AFF3: variants seen among roughly 807,000 people sequenced by gnomAD.
AFF3 encodes AF4/FMR2 family member 3.
A neutral mutation model predicts 129.7 loss-of-function variants in AFF3; 32 were observed. The ratio of observed to expected loss-of-function variants is 0.25; its 90% confidence interval spans 0.19 to 0.33. The LOEUF (loss-of-function observed/expected upper bound fraction) is 0.33. Ranked by LOEUF, AFF3 falls within the 10% of genes least tolerant of loss-of-function variation. The pLI is 1.00. For synonymous variants in AFF3, 644 were observed against 635.4 expected, an observed-to-expected ratio of 1.01 and a Z score of -0.20; for missense variants, 1,373 against 1,592.0, an observed-to-expected ratio of 0.86 and a Z score of 2.34.
chr2:99,995,882 T>C (rs567659850), intron 7 of AFF3, among the ~76,000 whole-genome samples: 23 of 152,180 alleles, frequency 1.5e-4, no homozygotes, highest in South Asian at 4.1e-4. Context: ...AGAAAAAATA[T>C]ATATAAACAC....
chr2:99,949,069 A>G (rs1333933095), intron 7 of AFF3, among the ~76,000 whole-genome samples: 1 of 152,298 alleles, frequency 6.6e-6, no homozygotes, highest in African/African-American at 2.4e-5. Flanking sequence ...GGGTCAGAAC[A>G]CCTCGAGATT....
rs1452770582 is a variant in AFF3, at chr2:100,120,045, C to G, written c.-145+9179G>C. ...CTCATCACAATAGGGGGAGAAAAGA[C>G]TGGCAGCAAAGGGATATCATCTAGT... On this transcript the variant is annotated intron_variant, in intron 2 of 24. Transcript: ENST00000672756. Among the ~76,000 whole-genome samples, 4 of 152,186 alleles carry G rather than the reference C, an allele frequency of 2.6e-5. No individual in the cohort carries two copies. In the East Asian group the frequency reaches 7.7e-4, roughly 29 times the overall value.
rs918219959 is a variant in AFF3, at chr2:99,907,024, T to A, written c.874-69500A>T. Among the ~76,000 whole-genome samples, 6 of 152,216 alleles carry A rather than the reference T, an allele frequency of 3.9e-5. No homozygotes were observed. The East Asian group carries it at 1.2e-3, about 29-fold the overall frequency. ...CTCTCACCTGTTAATGTACTACAAG[T>A]CTATATGTGTACTACATGCCAGGCA... On this transcript the variant is annotated intron_variant, in intron 7 of 24. Transcript: ENST00000672756.
At position 100,063,778 on chromosome 2, in the gene AFF3, T is replaced by C. The variant is rs776142835; in HGVS notation, c.53+40624A>G. ...GTTAAAAGACATAAATCCACAGATA[T>C]ACTAATCAGGGTAAATGAAAAGAAA... On this transcript the variant is annotated intron_variant, in intron 4 of 24. Coordinates refer to ENST00000672756, the MANE Select transcript of AFF3 (RefSeq NM_001386135.1). Among the ~76,000 whole-genome samples, 130 of 152,188 alleles carry C rather than the reference T, an allele frequency of 8.5e-4. 5 individuals are homozygous for C. Among genetic ancestry groups the C allele is most frequent in the Non-Finnish European group, 5.6e-4 (38 of 68,002 alleles).
chr2:99,631,031 C>T (rs1333120254), intron 13 of AFF3: 4 of 459,826 alleles, frequency 8.7e-6, no homozygotes, highest in Non-Finnish European at 1.8e-5. Flanking sequence ...GACAGGGAAA[C>T]ACTGTGAGCT....
At chr2:99,799,411 G>T (rs1431680373) in intron 8 of AFF3, among the ~76,000 whole-genome samples, 1 of 151,848 alleles carries the variant, frequency 6.6e-6, no homozygotes, top group Non-Finnish European at 1.5e-5. Flanking sequence ...AAAGGAGAAG[G>T]GGGAGGGTAG....
chr2:99,802,207 A>G (rs1685992289), intron 8 of AFF3, among the ~76,000 whole-genome samples: 1 of 152,194 alleles, frequency 6.6e-6, no homozygotes. Flanking sequence ...GTTATTTCAC[A>G]TGACATGTTG....
At chr2:100,087,849 TA>T (rs1190149061) in intron 4 of AFF3, among the ~76,000 whole-genome samples, 1 of 150,158 alleles carries the variant, frequency 6.7e-6, no homozygotes, top group Non-Finnish European at 1.5e-5. Context: ...GTCAATGTAT[TA>T]AAGTATATAA....
At chr2:99,763,582 G>C (rs1385572939) in intron 8 of AFF3, among the ~76,000 whole-genome samples, 1 of 152,110 alleles carries the variant, frequency 6.6e-6, no homozygotes, top group African/African-American at 2.4e-5. Context: ...TTAGCATTTT[G>C]ATGGAAATAC....
At chr2:99,673,965 G>A (rs977122391) in intron 11 of AFF3, among the ~76,000 whole-genome samples, 3 of 152,176 alleles carry the variant, frequency 2.0e-5, no homozygotes, top group South Asian at 2.1e-4. Flanking sequence ...TTTAGATTCC[G>A]TTGTGAGTCT....
intron 4 of AFF3, among the ~76,000 whole-genome samples, chr2:100,042,055 A>G (rs1685474718): frequency 6.6e-6 from 1 of 151,380 alleles, no homozygotes. Flanking sequence ...CCCCCACACC[A>G]TCCCAACCTC....
chr2:100,043,624 C>T (rs943107949), intron 4 of AFF3, among the ~76,000 whole-genome samples: 16 of 152,096 alleles, frequency 1.1e-4, no homozygotes, highest in Admixed American at 1.0e-3. Context: ...TAATGCAGGA[C>T]GTTAGAAAAT....
chr2:100,123,259 T>G (rs1347706681), intron 2 of AFF3, among the ~76,000 whole-genome samples: 1 of 152,234 alleles, frequency 6.6e-6, no homozygotes. Flanking sequence ...AGATGCCTTC[T>G]GACTGTAAGC....
chr2:99,995,810 T>C (rs1305348106), intron 7 of AFF3, among the ~76,000 whole-genome samples: 1 of 152,172 alleles, frequency 6.6e-6, no homozygotes, highest in Non-Finnish European at 1.5e-5. Context: ...GGAAAAACTG[T>C]TTACAATGTA....
intron 7 of AFF3, among the ~76,000 whole-genome samples, chr2:99,940,819 C>A (rs1035350054): frequency 6.6e-6 from 1 of 152,230 alleles, no homozygotes; most frequent in African/African-American, 2.4e-5. Flanking sequence ...AGAACCCTCT[C>A]CTGGCATCTG....
chr2:100,037,739 G>A (rs1480370091), intron 4 of AFF3, among the ~76,000 whole-genome samples: 1 of 113,172 alleles, frequency 8.8e-6, no homozygotes, highest in Non-Finnish European at 1.8e-5. Flanking sequence ...ATATTAATTT[G>A]TGTATAATAT....
At chr2:100,130,018 G>A (rs1440562270) in intron 1 of AFF3, among the ~76,000 whole-genome samples, 1 of 152,170 alleles carries the variant, frequency 6.6e-6, no homozygotes, top group Non-Finnish European at 1.5e-5. Flanking sequence ...TTCATATTGT[G>A]CATGAAAAGG....
intron 8 of AFF3, among the ~76,000 whole-genome samples, chr2:99,821,491 A>T (rs867563024): frequency 4.6e-5 from 5 of 107,670 alleles, no homozygotes; most frequent in African/African-American, 1.2e-4. Flanking sequence ...AAAAAGAAAA[A>T]AAGAAAATAA....
At chr2:99,824,641 T>C (rs985425742) in intron 8 of AFF3, among the ~76,000 whole-genome samples, 1 of 152,240 alleles carries the variant, frequency 6.6e-6, no homozygotes, top group Admixed American at 6.5e-5. Flanking sequence ...ATGGGAGTTA[T>C]GATAAATAAA....
Sources: gnomAD v4.1 joint callset for allele counts (sites outside exome capture counted in the v4.1 genomes callset) on GRCh38, gnomAD v4.1.1 for gene constraint, MANE v1.5 for transcripts, NCBI Gene and HGNC (gene_info 2026-07-23, HGNC 2026-07-21) for gene names.